Variants in MPZL2 observed in about 807,000 individuals in gnomAD.
MPZL2 encodes myelin protein zero like 2.
MPZL2 carries 32 observed loss-of-function variants against 24.5 expected under a neutral mutation model. The ratio of observed to expected loss-of-function variants is 1.31; its 90% CI spans 0.99 to 1.76. MPZL2 has a LOEUF of 1.76. Ranked by LOEUF, MPZL2 falls within the 40% of genes most tolerant of loss-of-function variation. The probability of loss-of-function intolerance (pLI) is 0.00; values close to 1 mark genes in which losing one functional copy is unlikely to be tolerated. For synonymous variants in MPZL2, 92 were observed against 97.9 expected, an observed-to-expected ratio of 0.94 and a Z score of 0.36; for missense variants, 304 against 274.9, an observed-to-expected ratio of 1.11 and a Z score of -0.75.
intron 5 of MPZL2, among the ~76,000 whole-genome samples, chr11:118,256,696 T>C (rs1949662441): frequency 6.6e-6 from 1 of 152,124 alleles, no homozygotes; most frequent in Non-Finnish European, 1.5e-5. Context: ...TTAAGCCTGA[T>C]GAACCTGAAA....
intron 4 of MPZL2, among the ~76,000 whole-genome samples, chr11:118,258,965 G>T (rs1793136): frequency 0.77 from 114,938 of 148,554 alleles, 45,096 homozygotes; most frequent in African/African-American, 0.9. Flanking sequence ...AGTCTTAGGG[G>T]TTTTTTTATA....
intron 4 of MPZL2, among the ~76,000 whole-genome samples, chr11:118,258,904 CT>C (rs1444010523): frequency 6.6e-6 from 1 of 151,968 alleles, no homozygotes; most frequent in African/African-American, 2.4e-5. Flanking sequence ...CGGCGCCATG[CT>C]TGTACATCCA....
At chr11:118,256,951 TTAG>T (rs1949664143) in intron 5 of MPZL2, 2 of 215,326 alleles carry the variant, frequency 9.3e-6, no homozygotes, top group East Asian at 9.9e-5. Flanking sequence ...TGAATATTTA[TTAG>T]TAGTAGTAGT....
rs1949691445 is a variant in MPZL2, at chr11:118,260,278, G to A, written c.437-77C>T. 5 of 1,425,752 alleles carry A rather than the reference G, an allele frequency of 3.5e-6. No homozygotes were observed. In the East Asian group the frequency reaches 6.9e-5, roughly 20 times the overall value. The allele number at this position is 1,425,752 out of a possible 1,614,324, so 88.3% of individuals were successfully genotyped here. On this transcript the variant is annotated intron_variant, in intron 3 of 5. Coordinates refer to ENST00000278937, the MANE Select transcript of MPZL2 (RefSeq NM_005797.4). ...TGAAATCTAATGACATAATAGGGAT[G>A]CATTTAATCAATAGATGGAATCTTC... is the stretch of plus-strand genomic sequence containing the variant.
intron 3 of MPZL2, 144 bp downstream of exon 3, chr11:118,262,294 T>C (rs1368813192): frequency 2.4e-6 from 2 of 837,658 alleles, no homozygotes; most frequent in African/African-American, 3.4e-5. Flanking sequence ...GGTCTCCCTC[T>C]GAGGCTCCCA....
At chr11:118,257,891 T>C (rs1459522772) in intron 4 of MPZL2, among the ~76,000 whole-genome samples, 1 of 151,998 alleles carries the variant, frequency 6.6e-6, no homozygotes, top group Non-Finnish European at 1.5e-5. Context: ...ATGCCTGTAA[T>C]CCCAGCTACT....
chr11:118,261,378 T>C (rs1413153623), intron 3 of MPZL2, among the ~76,000 whole-genome samples: 1 of 152,232 alleles, frequency 6.6e-6, no homozygotes, highest in Admixed American at 6.5e-5. Context: ...TGATTTGAAG[T>C]AATTAACTTC....
intron 4 of MPZL2, among the ~76,000 whole-genome samples, chr11:118,258,295 A>C (rs1949675748): frequency 6.6e-6 from 1 of 152,222 alleles, no homozygotes; most frequent in Non-Finnish European, 1.5e-5. Flanking sequence ...GACTTCATCA[A>C]AATTTAACTT....
At chr11:118,260,551 A>T (rs1463620958) in intron 3 of MPZL2, among the ~76,000 whole-genome samples, 1 of 152,186 alleles carries the variant, frequency 6.6e-6, no homozygotes, top group Non-Finnish European at 1.5e-5. Context: ...TTTGAAAACC[A>T]CTGGGTGGGT....
chr11:118,261,820 TAC>T (rs1225379696), intron 3 of MPZL2, among the ~76,000 whole-genome samples: 1 of 152,242 alleles, frequency 6.6e-6, no homozygotes, highest in East Asian at 1.9e-4. Flanking sequence ...AGTCCTAAGT[TAC>T]TCCATTTATC....
intron 4 of MPZL2, 128 bp from the exon 5 acceptor site, chr11:118,257,441 T>C (rs973325090): frequency 1.7e-5 from 12 of 699,082 alleles, no homozygotes; most frequent in African/African-American, 1.1e-4. Context: ...TGGGAGTAGA[T>C]TGAAGTTTAC....
rs1949653202 is a variant in MPZL2 at position 118,255,122 on chromosome 11, A to G, written c.*124T>C. 1 of 152,220 alleles carries G rather than the reference A, an allele frequency of 6.6e-6. No individual in the cohort carries two copies. Among genetic ancestry groups the G allele is most frequent in the South Asian group, 2.1e-4 (1 of 4,838 alleles). 9.4% of individuals were successfully genotyped at this position (152,220 alleles called of 1,614,324 possible). On this transcript the variant is annotated 3_prime_UTR_variant, in exon 6 of 6. Transcript: ENST00000278937. ...AGGGGTGTTGCTTGTCTAGAATCTA[A>G]TATGCTGCAGAACTGGTTGGAAAAC...
chr11:118,259,917 G>A, intron 4 of MPZL2, 137 bp downstream of exon 4: 3 of 998,642 alleles, frequency 3.0e-6, no homozygotes, highest in Non-Finnish European at 4.4e-6. Flanking sequence ...TGATTTATCT[G>A]TCCTGCAAAT....
At position 118,264,157 on chromosome 11, in the gene MPZL2, G is replaced by C; in HGVS notation, c.-4C>G. On this transcript the variant is annotated 5_prime_UTR_variant, in exon 1 of 6. Transcript: ENST00000278937. ...GAGTAGAGCTCTTGCCATACATGAGGGAAACCCAGCCTTGGCCCCAGAGAC... is the reference window on the plus strand; with the variant it reads ...GAGTAGAGCTCTTGCCATACATGAGCGAAACCCAGCCTTGGCCCCAGAGAC... 1 of 1,614,068 alleles carries C rather than the reference G, an allele frequency of 6.2e-7. No individual in the cohort carries two copies.
intron 4 of MPZL2, among the ~76,000 whole-genome samples, chr11:118,258,868 A>T (rs11216839): frequency 0.2 from 31,167 of 152,090 alleles, 3,262 homozygotes; most frequent in Middle Eastern, 0.27. Flanking sequence ...AAGCTCCCTG[A>T]GGCCTCCTCA....
chr11:118,261,102 A>T (rs1949697680), intron 3 of MPZL2, among the ~76,000 whole-genome samples: 1 of 152,206 alleles, frequency 6.6e-6, no homozygotes, highest in South Asian at 2.1e-4. Flanking sequence ...ATCCACATAT[A>T]TTTAAGAACC....
In MPZL2 at chr11:118,254,948, G is replaced by C. The variant is rs1005262301; in HGVS notation, c.*298C>G. 1.3e-5 allele frequency: 2 copies of C among 152,002 alleles called. No individual in the cohort carries two copies. The highest frequency in any genetic ancestry group is 4.8e-5 in the African/African-American group (2 of 41,428). 9.4% of individuals were successfully genotyped at this position (152,002 alleles called of 1,614,324 possible). On this transcript the variant is annotated 3_prime_UTR_variant, in exon 6 of 6. Transcript: ENST00000278937. The stretch of plus-strand genomic sequence containing the variant: ...ATATGTGTATACAAGTCATAACACT[G>C]TAAGTAGTGTCTTAAGGGCAAAAAT...
intron 3 of MPZL2, among the ~76,000 whole-genome samples, chr11:118,261,059 C>T (rs1949697299): frequency 6.6e-6 from 1 of 152,112 alleles, no homozygotes; most frequent in South Asian, 2.1e-4. Context: ...GGAAGCAGGG[C>T]CATGGCTTTT....
In MPZL2 at chr11:118,264,070, T is replaced by G. The variant is rs1624780; in HGVS notation, c.58+26A>C. The G allele has an allele frequency of 0.61, 980,406 of 1,608,966 alleles. 300,578 individuals are homozygous for G. The highest frequency in any genetic ancestry group is 0.71 in the South Asian group (64,302 of 90,964). ...TAGAGTGAGCAGTGAAGGAGGAAAC[T>G]CTGAGAGAAGCCCGCCGGCTCTTAC... On this transcript the variant is annotated intron_variant, in intron 1 of 5. Transcript: ENST00000278937.
Sources: gnomAD v4.1 joint callset for allele counts (sites outside exome capture counted in the v4.1 genomes callset) on GRCh38, gnomAD v4.1.1 for gene constraint, MANE v1.5 for transcripts, NCBI Gene and HGNC (gene_info 2026-07-23, HGNC 2026-07-21) for gene names.